Variants in BTRC observed in about 807,000 individuals in gnomAD.
BTRC encodes the protein beta-transducin repeat containing E3 ubiquitin protein ligase.
A neutral mutation model predicts 85.5 loss-of-function variants in BTRC; 42 were observed. The observed-to-expected ratio is 0.49, with a 90% CI of 0.38 to 0.64. The LOEUF (loss-of-function observed/expected upper bound fraction) is 0.64. Ranked by LOEUF, BTRC falls within the 30% of genes least tolerant of loss-of-function variation. The pLI is 0.00. For synonymous variants in BTRC, 255 were observed against 263.3 expected (o/e 0.97, Z 0.30); for missense variants, 594 against 743.5 (o/e 0.80, Z 2.34).
chr10:101,490,473 T>C (rs975469060), intron 4 of BTRC, among the ~76,000 whole-genome samples: 3 of 152,172 alleles, frequency 2.0e-5, no homozygotes, highest in African/African-American at 7.2e-5. Flanking sequence ...AAGTTAAACC[T>C]TTTCCAAATT....
intron 2 of BTRC, among the ~76,000 whole-genome samples, chr10:101,456,102 C>A (rs1310948406): frequency 6.7e-6 from 1 of 150,046 alleles, no homozygotes; most frequent in African/African-American, 2.5e-5. Context: ...ACCCAGGAGG[C>A]AGAAGTTGTA....
intron 3 of BTRC, among the ~76,000 whole-genome samples, chr10:101,477,545 C>T (rs1161447854): frequency 6.6e-6 from 1 of 152,104 alleles, no homozygotes; most frequent in Non-Finnish European, 1.5e-5. Flanking sequence ...AACTCCTAGG[C>T]TCAAGTGATT....
Position 101,468,141 on chromosome 10 carries a change from G to A in BTRC, c.234+6083G>A, listed in dbSNP as rs561178070. The stretch of plus-strand genomic sequence containing the variant: ...AAAATTACTTTGAGGAAGGAAGACC[G>A]TATGGGGGGTTGGTGCTTTGTTTTA... On this transcript the variant is annotated intron_variant, in intron 3 of 14. Transcript: ENST00000370187. Among the ~76,000 whole-genome samples, 14 of 152,268 alleles carry A rather than the reference G, an allele frequency of 9.2e-5. No individual in the cohort carries two copies. In the East Asian group the frequency reaches 1.3e-3, roughly 15 times the overall value.
At chr10:101,483,978 T>A (rs1323148120) in intron 4 of BTRC, among the ~76,000 whole-genome samples, 3 of 152,222 alleles carry the variant, frequency 2.0e-5, no homozygotes, top group Non-Finnish European at 4.4e-5. Context: ...TTCCCTAATT[T>A]ACCCTTACCC....
At chr10:101,532,910 C>T in intron 8 of BTRC, 42 bp from the exon 9 acceptor site, 2 of 1,459,432 alleles carry the variant, frequency 1.4e-6, no homozygotes, top group Non-Finnish European at 1.9e-6. Context: ...CCACAGCACC[C>T]CATCATCACA....
At chr10:101,405,239 A>G (rs958461462) in intron 1 of BTRC, among the ~76,000 whole-genome samples, 5 of 151,776 alleles carry the variant, frequency 3.3e-5, no homozygotes, top group Admixed American at 6.6e-5. Flanking sequence ...GGGCTACGCA[A>G]TGGGAGGCTA....
At chr10:101,420,874 T>C (rs554647234) in intron 1 of BTRC, among the ~76,000 whole-genome samples, 1 of 152,018 alleles carries the variant, frequency 6.6e-6, no homozygotes, top group Non-Finnish European at 1.5e-5. Flanking sequence ...AAAAACTCAC[T>C]GGTATTTTTA....
At chr10:101,538,458 T>G in intron 13 of BTRC, 87 bp downstream of exon 13, 1 of 1,249,960 alleles carries the variant, frequency 8.0e-7, no homozygotes, top group Non-Finnish European at 1.2e-6. Flanking sequence ...GGATTTGAAT[T>G]TAATAGTTAC....
intron 13 of BTRC, among the ~76,000 whole-genome samples, chr10:101,544,019 C>T (rs1033148454): frequency 6.6e-6 from 1 of 152,174 alleles, no homozygotes; most frequent in African/African-American, 2.4e-5. Flanking sequence ...AAGCAATTCT[C>T]CTGCCTCAGC....
intron 1 of BTRC, among the ~76,000 whole-genome samples, chr10:101,367,886 A>G (rs1201658358): frequency 1.3e-5 from 2 of 152,200 alleles, no homozygotes; most frequent in African/African-American, 4.8e-5. Flanking sequence ...GCTACTTTAA[A>G]TTGTGCTATT....
intron 3 of BTRC, among the ~76,000 whole-genome samples, chr10:101,470,942 C>T (rs1420911882): frequency 6.6e-6 from 1 of 152,102 alleles, no homozygotes; most frequent in African/African-American, 2.4e-5. Flanking sequence ...TATTCTCAAA[C>T]CTCCTGAAGA....
intron 1 of BTRC, among the ~76,000 whole-genome samples, chr10:101,381,200 A>G (rs549953840): frequency 1.1e-4 from 16 of 152,246 alleles, no homozygotes; most frequent in Middle Eastern, 3.4e-3. Flanking sequence ...GACACTATAT[A>G]TATTAACTCA....
intron 4 of BTRC, among the ~76,000 whole-genome samples, chr10:101,487,749 G>A (rs567561615): frequency 1.3e-5 from 2 of 152,136 alleles, no homozygotes; most frequent in Non-Finnish European, 2.9e-5. Context: ...GAAGAACAGT[G>A]TTCTGTGATC....
At chr10:101,449,365 A>G (rs1465669659) in intron 2 of BTRC, among the ~76,000 whole-genome samples, 1 of 152,094 alleles carries the variant, frequency 6.6e-6, no homozygotes, top group Non-Finnish European at 1.5e-5. Flanking sequence ...TAAGGGTTCT[A>G]TAGTTCTCAG....
intron 7 of BTRC, 31 bp downstream of exon 7, chr10:101,531,364 C>T (rs1564829672): frequency 2.0e-6 from 3 of 1,470,860 alleles, no homozygotes. Context: ...GGGTATTGCC[C>T]AAGGGCACAG....
intron 13 of BTRC, among the ~76,000 whole-genome samples, 172 bp from the exon 14 acceptor site, chr10:101,550,527 A>G (rs1458489561): frequency 5.3e-5 from 8 of 151,992 alleles, no homozygotes; most frequent in Admixed American, 5.2e-4. Context: ...CGTGATCCGC[A>G]TGCCTCAGGC....
intron 1 of BTRC, among the ~76,000 whole-genome samples, chr10:101,357,192 C>T (rs1052037425): frequency 6.6e-6 from 1 of 151,628 alleles, no homozygotes; most frequent in South Asian, 2.1e-4. Flanking sequence ...CCTGTAATCC[C>T]AGCACTTTGG....
intron 4 of BTRC, among the ~76,000 whole-genome samples, chr10:101,504,633 T>C (rs951119459): frequency 2.0e-5 from 3 of 151,980 alleles, no homozygotes; most frequent in Non-Finnish European, 2.9e-5. Context: ...CCCTAGCCCT[T>C]CCTCTCCTTG....
At chr10:101,434,156 G>A (rs1219397496) in intron 2 of BTRC, among the ~76,000 whole-genome samples, 1 of 152,128 alleles carries the variant, frequency 6.6e-6, no homozygotes, top group Non-Finnish European at 1.5e-5. Context: ...TCAATCTATT[G>A]TGGTTTGTTA....
Sources: allele counts gnomAD v4.1 joint callset (sites outside exome capture counted in the v4.1 genomes callset), GRCh38; gene constraint gnomAD v4.1.1; transcripts MANE v1.5; gene names NCBI Gene and HGNC (gene_info 2026-07-23, HGNC 2026-07-21).